DAZAP1: variants seen among roughly 807,000 people sequenced by gnomAD.
The protein encoded by DAZAP1 is DAZ associated protein 1.
DAZAP1 carries 6 observed loss-of-function variants against 60.1 expected under a neutral mutation model. The ratio of observed to expected loss-of-function variants is 0.10; its 90% CI spans 0.05 to 0.20. The LOEUF is 0.20. DAZAP1 is among the 10% of genes least tolerant of loss of function. DAZAP1 has a pLI of 1.00. For missense variants in DAZAP1, 366 were observed against 560.4 expected (o/e 0.65, Z 3.50); for synonymous variants, 235 against 215.9 (o/e 1.09, Z -0.78).
intron 1 of DAZAP1, among the ~76,000 whole-genome samples, chr19:1,409,480 C>T (rs1314848004): frequency 6.6e-6 from 1 of 152,192 alleles, no homozygotes; most frequent in Non-Finnish European, 1.5e-5. Context: ...CAAATAGGCT[C>T]GCAGGCCACC....
chr19:1,417,414 G>T (rs2083018326), intron 1 of DAZAP1, 86 bp from the exon 2 acceptor site: 1 of 1,468,422 alleles, frequency 6.8e-7, no homozygotes, highest in South Asian at 1.2e-5. Context: ...TCTGTGGTTT[G>T]AATTAAGACC....
Position 1,415,351 on chromosome 19 carries a change from TTATG to T in DAZAP1, c.30-2147_30-2144del, listed in dbSNP as rs1555780963. 3.2e-3 allele frequency among the ~76,000 whole-genome samples: 223 copies of T among 70,008 alleles called. 1 individual carries two copies. The highest frequency in any genetic ancestry group is 8.5e-3 in the East Asian group (21 of 2,466). The allele number at this position is 70,008 out of a possible 152,430, so 45.9% of individuals were successfully genotyped here. A position where few individuals can be genotyped will look rare whatever the true frequency, so the allele number is the denominator to read the frequency against. Reference sequence around the variant, plus strand: ...TGGATTTGGTTTGGTTTTCAGGGTTTTATGTGTGTGTGTGTGTGTGTGTGTGTGT... The same window carrying T: ...TGGATTTGGTTTGGTTTTCAGGGTTTTGTGTGTGTGTGTGTGTGTGTGTGT... On this transcript the variant is annotated intron_variant, in intron 1 of 11. Coordinates refer to ENST00000233078, the MANE Select transcript of DAZAP1 (RefSeq NM_018959.4).
In DAZAP1 at chr19:1,407,821, G is replaced by A. The variant is rs2082707888; in HGVS notation, c.29+19G>A. 9.3e-7 allele frequency: 1 copy of A among 1,069,630 alleles called. No individual in the cohort carries two copies. The highest frequency in any genetic ancestry group is 1.1e-6 in the Non-Finnish European group (1 of 884,216). The allele number at this position is 1,069,630 out of a possible 1,614,324, so 66.3% of individuals were successfully genotyped here. A position where few individuals can be genotyped will look rare whatever the true frequency, so the allele number is the denominator to read the frequency against. On this transcript the variant is annotated intron_variant, in intron 1 of 11. Transcript: ENST00000233078. ...AGATCGGGTGAGGACGAGCGGCGCGGGCCTGCGTCTCCGCCCCGAGCCCGG... is the reference window on the plus strand; with the variant it reads ...AGATCGGGTGAGGACGAGCGGCGCGAGCCTGCGTCTCCGCCCCGAGCCCGG...
intron 10 of DAZAP1, among the ~76,000 whole-genome samples, chr19:1,431,744 G>A (rs764879926): frequency 6.6e-6 from 1 of 152,240 alleles, no homozygotes; most frequent in Non-Finnish European, 1.5e-5. Flanking sequence ...TGGGCCATAC[G>A]TGGGGTGTCC....
At chr19:1,417,248 C>T in intron 1 of DAZAP1, 2 of 543,636 alleles carry the variant, frequency 3.7e-6, no homozygotes, top group Non-Finnish European at 6.5e-6. Flanking sequence ...GCCCGCCACG[C>T]ATGAGGTCAG....
At chr19:1,411,004 T>C (rs1406133792) in intron 1 of DAZAP1, among the ~76,000 whole-genome samples, 1 of 152,184 alleles carries the variant, frequency 6.6e-6, no homozygotes, top group Non-Finnish European at 1.5e-5. Flanking sequence ...ATTGGGTGGC[T>C]GTGGAAGGAG....
rs1379251637 is a variant in DAZAP1 at position 1,419,142 on chromosome 19, G to A, written c.303+411G>A. Among the ~76,000 whole-genome samples the A allele has an allele frequency of 2.0e-5, 3 of 152,286 alleles. No homozygotes were observed. In the East Asian group the frequency reaches 5.8e-4, roughly 29 times the overall value. On this transcript the variant is annotated intron_variant, in intron 4 of 11. Coordinates refer to ENST00000233078, the MANE Select transcript of DAZAP1 (RefSeq NM_018959.4). ...ACTGCTCCACTTGAGATCCCCTGAC[G>A]TGGCAACTTGGGTTCTCTGACCTGC... is the stretch of plus-strand genomic sequence containing the variant.
Position 1,430,260 on chromosome 19 carries a change from C to CCCCCCCCCCCCCCCCTT in DAZAP1, c.770_771insCCCCCCCCCCCCCCTTC (p.Phe262LeufsTer79). 1 of 1,288,272 alleles carries CCCCCCCCCCCCCCCCTT rather than the reference C, an allele frequency of 7.8e-7. No individual in the cohort carries two copies. Among genetic ancestry groups the CCCCCCCCCCCCCCCCTT allele is most frequent in the Non-Finnish European group, 1.1e-6 (1 of 914,658 alleles). 79.8% of individuals were successfully genotyped at this position (1,288,272 alleles called of 1,614,324 possible). On this transcript the variant is annotated frameshift_variant, in exon 10 of 12. Transcript: ENST00000233078. LOFTEE classifies it high-confidence loss of function. ...GCCCCCTGCAGGAAGAGGAGCCCCC[C>CCCCCCCCCCCCCCCCTT]CGCCACCCCCACCGTTCACCTCCTA...
chr19:1,433,962 A>G lies in DAZAP1; in HGVS notation c.1049-775A>G, dbSNP rs540784019. 4.9e-5 allele frequency: 37 copies of G among 756,260 alleles called. No homozygotes were observed. The East Asian group carries it at 9.2e-4, about 19-fold the overall frequency. The allele number at this position is 756,260 out of a possible 1,614,324, so 46.8% of individuals were successfully genotyped here. ...AAGGGGCCCTTGCCGGTGCCAAGACATTGGCCACAAGCCTTCAGCGGGCCC... is the reference window on the plus strand; with the variant it reads ...AAGGGGCCCTTGCCGGTGCCAAGACGTTGGCCACAAGCCTTCAGCGGGCCC... On this transcript the variant is annotated intron_variant, in intron 11 of 11. Transcript: ENST00000233078. This position sits in a 1 kb window ranked among gnomAD's most constrained non-coding sequence, Gnocchi z 6.1.
intron 1 of DAZAP1, among the ~76,000 whole-genome samples, chr19:1,409,072 C>T (rs2082750378): frequency 6.6e-6 from 1 of 152,194 alleles, no homozygotes; most frequent in Admixed American, 6.5e-5. Context: ...CTCCCCCTCC[C>T]CAGACAAAAC....
intron 1 of DAZAP1, chr19:1,415,982 G>A (rs530041254): frequency 6.0e-4 from 92 of 152,232 alleles, no homozygotes; most frequent in African/African-American, 2.0e-3. Flanking sequence ...ATTTAAATCA[G>A]TCGTTCTTAG....
rs920037066 is a variant in DAZAP1, at chr19:1,432,490, C to G, written c.872-24C>G. On this transcript the variant is annotated intron_variant, in intron 10 of 11. Coordinates refer to ENST00000233078, the MANE Select transcript of DAZAP1 (RefSeq NM_018959.4). This position sits in a 1 kb window ranked among gnomAD's most constrained non-coding sequence, Gnocchi z 4.9. ...CCCCAGCTGCACAACGTGTCTTGTG[C>G]CTTGCCCTCTTGTACCTCTGCAGGT... 6.2e-7 allele frequency: 1 copy of G among 1,613,016 alleles called. No homozygotes were observed. Among genetic ancestry groups the G allele is most frequent in the African/African-American group, 1.3e-5 (1 of 74,862 alleles).
At chr19:1,409,007 C>T (rs1203060875) in intron 1 of DAZAP1, among the ~76,000 whole-genome samples, 1 of 152,192 alleles carries the variant, frequency 6.6e-6, no homozygotes, top group Non-Finnish European at 1.5e-5. Context: ...TTGGCAGGCG[C>T]CTCTCGCACC....
chr19:1,430,254 GCCC>G lies in DAZAP1; in HGVS notation c.768_770del (p.Pro261del). On this transcript the variant is annotated inframe_deletion, in exon 10 of 12. Transcript: ENST00000233078. The stretch of plus-strand genomic sequence containing the variant: ...TGGACCGCCCCCTGCAGGAAGAGGA[GCCC>G]CCCCGCCACCCCCACCGTTCACCTC... 7.7e-7 allele frequency: 1 copy of G among 1,295,268 alleles called. No homozygotes were observed. The highest frequency in any genetic ancestry group is 1.1e-6 in the Non-Finnish European group (1 of 924,076). 80.2% of individuals were successfully genotyped at this position (1,295,268 alleles called of 1,614,324 possible). A position where few individuals can be genotyped will look rare whatever the true frequency, so the allele number is the denominator to read the frequency against.
At position 1,433,488 on chromosome 19, in the gene DAZAP1, GGT is replaced by G. The variant is rs577552242; in HGVS notation, c.1048+802_1048+803del. 207 of 538,528 alleles carry G rather than the reference GGT, an allele frequency of 3.8e-4. 1 individual carries two copies. The South Asian group carries it at 4.4e-3, about 11-fold the overall frequency. The allele number at this position is 538,528 out of a possible 1,614,324, so 33.4% of individuals were successfully genotyped here. On this transcript the variant is annotated intron_variant, in intron 11 of 11. Transcript: ENST00000233078. The surrounding 1 kb of genome is among the most constrained non-coding windows in gnomAD (Gnocchi z 6.1). Reference sequence around the variant, plus strand: ...TTCCTCTAGGCCTGGTGGAGGCCGGGGTGTGGGAGCTGTGTTCGGCCGAGGTG... The same window carrying G: ...TTCCTCTAGGCCTGGTGGAGGCCGGGGTGGGAGCTGTGTTCGGCCGAGGTG...
rs781482303 is a variant in DAZAP1, at chr19:1,425,844, C to G, written c.464-34C>G. 1 of 1,436,300 alleles carries G rather than the reference C, an allele frequency of 7.0e-7. No individual in the cohort carries two copies. The highest frequency in any genetic ancestry group is 9.8e-7 in the Non-Finnish European group (1 of 1,017,934). The allele number at this position is 1,436,300 out of a possible 1,614,324, so 89.0% of individuals were successfully genotyped here. On this transcript the variant is annotated intron_variant, in intron 6 of 11. Transcript: ENST00000233078. This position sits in a 1 kb window ranked among gnomAD's most constrained non-coding sequence, Gnocchi z 5.4. Reference sequence around the variant, plus strand: ...TCATCCTGTTTTGTGTCACAACACCCTGCTACCTTGATTCACTCTTCGTCG... The same window carrying G: ...TCATCCTGTTTTGTGTCACAACACCGTGCTACCTTGATTCACTCTTCGTCG...
rs147224568 is a variant in DAZAP1 at position 1,419,590 on chromosome 19, T to G, written c.303+859T>G. 4.7e-4 allele frequency among the ~76,000 whole-genome samples: 71 copies of G among 152,328 alleles called. No homozygotes were observed. The East Asian group carries it at 7.9e-3, about 17-fold the overall frequency. On this transcript the variant is annotated intron_variant, in intron 4 of 11. Transcript: ENST00000233078. ...GCCGTGTTCCCAGCTCCAGAATTGT[T>G]TCACAAGTGTCTCTCATAGCTGGTT...
rs1271499925 is a variant in DAZAP1, at chr19:1,421,225, A to G, written c.381A>G (p.Thr127=). The stretch of plus-strand genomic sequence containing the variant: ...GAATTCCTCACAATTGTGGTGAGAC[A>G]GAGCTCAGGGAATACTTCAAGAAGT... ...VGGIPHNCGE[T]ELREYFKKFG... is the part of the protein sequence containing the mutation. Residue 127 remains threonine, a synonymous_variant, in exon 5 of 12, where the codon ACA becomes ACG. Coordinates refer to ENST00000233078, the MANE Select transcript of DAZAP1 (RefSeq NM_018959.4). 8 of 1,614,062 alleles carry G rather than the reference A, an allele frequency of 5.0e-6. No individual in the cohort carries two copies. In the Admixed American group the frequency reaches 1.2e-4, roughly 24 times the overall value.
At chr19:1,421,530 C>G (rs59534004) in intron 5 of DAZAP1, among the ~76,000 whole-genome samples, 1 of 152,374 alleles carries the variant, frequency 6.6e-6, no homozygotes, top group African/African-American at 2.4e-5. Context: ...TTGTGAACAC[C>G]GTGGGGTCCA....
Sources: gnomAD v4.1 joint callset for allele counts (sites outside exome capture counted in the v4.1 genomes callset) on GRCh38, gnomAD v4.1.1 for gene constraint, Gnocchi (gnomAD v3.1) non-coding constraint, MANE v1.5 for transcripts, NCBI Gene and HGNC (gene_info 2026-07-23, HGNC 2026-07-21) for gene names.